Variants in JMJD1C observed in about 807,000 individuals in gnomAD.
JMJD1C encodes the protein jumonji domain containing 1C.
Under a neutral mutation model 245.3 loss-of-function variants are expected in JMJD1C, and 31 were observed. The ratio of observed to expected loss-of-function variants is 0.13; its 90% CI spans 0.09 to 0.17. The LOEUF (loss-of-function observed/expected upper bound fraction) is 0.17. JMJD1C is among the 10% of genes least tolerant of loss of function. The pLI is 1.00. For synonymous variants in JMJD1C, 1,057 were observed against 1,017.4 expected, an observed-to-expected ratio of 1.04 and a Z score of -0.74; for missense variants, 2,691 against 3,000.2, an observed-to-expected ratio of 0.90 and a Z score of 2.41.
At chr10:63,211,307 A>G (rs994668149) in intron 8 of JMJD1C, among the ~76,000 whole-genome samples, 4 of 152,008 alleles carry the variant, frequency 2.6e-5, no homozygotes, top group Admixed American at 2.0e-4. Flanking sequence ...TCTACTAAAA[A>G]TACAAAAAAT....
chr10:63,331,276 T>C (rs1942111503), intron 2 of JMJD1C, among the ~76,000 whole-genome samples: 1 of 152,198 alleles, frequency 6.6e-6, no homozygotes, highest in Admixed American at 6.5e-5. Context: ...TATAAAAATA[T>C]GTCCAATCCT....
intron 3 of JMJD1C, among the ~76,000 whole-genome samples, chr10:63,248,617 T>C (rs1367566661): frequency 6.6e-6 from 1 of 152,222 alleles, no homozygotes; most frequent in South Asian, 2.1e-4. Flanking sequence ...AAGGGGAACC[T>C]GTACGCTGTT....
At chr10:63,457,534 C>A (rs1398986723) in intron 1 of JMJD1C, among the ~76,000 whole-genome samples, 2 of 151,922 alleles carry the variant, frequency 1.3e-5, no homozygotes, top group East Asian at 1.9e-4. Context: ...ACAACAACAA[C>A]AAACAGTAAG....
At chr10:63,327,825 C>T (rs562540053) in intron 2 of JMJD1C, among the ~76,000 whole-genome samples, 7 of 152,120 alleles carry the variant, frequency 4.6e-5, no homozygotes, top group Non-Finnish European at 8.8e-5. Flanking sequence ...TGCACCACCA[C>T]GCCCAGCTAA....
chr10:63,203,927 T>C, intron 10 of JMJD1C: 3 of 977,946 alleles, frequency 3.1e-6, no homozygotes, highest in Non-Finnish European at 3.6e-6. Context: ...CATTATTTAA[T>C]CCATGAAGTA....
chr10:63,374,880 T>C (rs1290398628), intron 2 of JMJD1C, among the ~76,000 whole-genome samples: 2 of 150,944 alleles, frequency 1.3e-5, no homozygotes, highest in Non-Finnish European at 2.9e-5. Flanking sequence ...TACTTGCTAA[T>C]TTGCCAAATT....
intron 1 of JMJD1C, among the ~76,000 whole-genome samples, chr10:63,392,067 G>A (rs997697220): frequency 1.9e-4 from 29 of 152,176 alleles, no homozygotes; most frequent in African/African-American, 5.1e-4. Context: ...TGCAAACACC[G>A]TCTCACAGCC....
chr10:63,332,597 C>T (rs1334387907), intron 2 of JMJD1C, among the ~76,000 whole-genome samples: 2 of 152,156 alleles, frequency 1.3e-5, no homozygotes, highest in African/African-American at 4.8e-5. Flanking sequence ...GTTTAGGCCT[C>T]ATTTAACCTT....
chr10:63,369,853 T>C (rs185552481), intron 2 of JMJD1C, among the ~76,000 whole-genome samples: 1 of 152,266 alleles, frequency 6.6e-6, no homozygotes, highest in African/African-American at 2.4e-5. Flanking sequence ...AGGAGTGTTT[T>C]TGTTTGCCTG....
At chr10:63,413,802 T>C (rs1949629710) in intron 1 of JMJD1C, among the ~76,000 whole-genome samples, 1 of 152,146 alleles carries the variant, frequency 6.6e-6, no homozygotes, top group South Asian at 2.1e-4. Flanking sequence ...ATGTTTGTGG[T>C]AAAAATTAGA....
intron 2 of JMJD1C, among the ~76,000 whole-genome samples, chr10:63,278,837 T>C (rs1857091983): frequency 8.3e-6 from 1 of 119,860 alleles, no homozygotes; most frequent in Non-Finnish European, 1.6e-5. Context: ...AAAACTCCCA[T>C]CTCAAAAAAA....
At chr10:63,193,674 T>C (rs1192276344) in intron 14 of JMJD1C, 1 of 409,702 alleles carries the variant, frequency 2.4e-6, no homozygotes, top group Admixed American at 4.3e-5. Flanking sequence ...TTTGTTTTTT[T>C]GTTTTTTTTT....
At chr10:63,391,248 T>C (rs947066590) in intron 1 of JMJD1C, among the ~76,000 whole-genome samples, 1 of 152,138 alleles carries the variant, frequency 6.6e-6, no homozygotes, top group Non-Finnish European at 1.5e-5. Context: ...TGGTGGCTGA[T>C]GCCTGTAATC....
intron 2 of JMJD1C, among the ~76,000 whole-genome samples, chr10:63,301,167 C>T (rs1860027990): frequency 6.6e-6 from 1 of 152,126 alleles, no homozygotes; most frequent in African/African-American, 2.4e-5. Flanking sequence ...AGGCATGTAC[C>T]ATCACGCCTG....
At position 63,189,400 on chromosome 10, in the gene JMJD1C, A is replaced by C; in HGVS notation, c.6338T>G (p.Ile2113Ser). Reference protein sequence around the residue: ...RTMPNILDDIIASVVENKIPP... With the variant: ...RTMPNILDDISASVVENKIPP... ...AATTTTGTTTTCAACAACTGAAGCAATTATGTCATCAAGAATGTTAGGCAT... is the reference window on the plus strand; with the variant it reads ...AATTTTGTTTTCAACAACTGAAGCACTTATGTCATCAAGAATGTTAGGCAT... The change falls in exon 18 of 26, where the codon ATT becomes AGT. Residue 2113 changes from isoleucine (I) to serine (S), a missense_variant. By Grantham distance (142) the Ile-to-Ser change is moderately radical. This residue lies in a region of JMJD1C where 275 missense variants were observed against 285.5 expected (regional missense o/e 0.96). Transcript: ENST00000399262. 2 of 1,613,714 alleles carry C rather than the reference A, an allele frequency of 1.2e-6. No individual in the cohort carries two copies. Among genetic ancestry groups the C allele is most frequent in the Non-Finnish European group, 8.5e-7 (1 of 1,179,866 alleles).
At chr10:63,368,527 C>T (rs1431390678) in intron 2 of JMJD1C, among the ~76,000 whole-genome samples, 2 of 152,136 alleles carry the variant, frequency 1.3e-5, no homozygotes. Flanking sequence ...TAATATCCAG[C>T]ATCCAGGTAA....
At chr10:63,415,032 C>T (rs905515283) in intron 1 of JMJD1C, among the ~76,000 whole-genome samples, 15 of 151,590 alleles carry the variant, frequency 9.9e-5, no homozygotes, top group Non-Finnish European at 2.1e-4. Context: ...TGCATTTTTG[C>T]TTTATGTGCT....
At position 63,183,513 on chromosome 10, in the gene JMJD1C, A is replaced by C. The variant is rs1843732518; in HGVS notation, c.7018T>G (p.Ser2340Ala). The change falls in exon 22 of 26, where the codon TCT becomes GCT. Residue 2340 changes from serine (S) to alanine (A), a missense_variant. This residue lies in a region of JMJD1C where 232 missense variants were observed against 416.1 expected (regional missense o/e 0.56). Transcript: ENST00000399262. Reference protein sequence around the residue: ...IGTTNLHIEVSDVVNILVYVG... With the variant: ...IGTTNLHIEVADVVNILVYVG... ...TAAACTAGTATATTTACAACATCAG[A>C]AACTTCAATATGGAGATTTGTTGTT... 1.2e-6 allele frequency: 2 copies of C among 1,607,428 alleles called. No homozygotes were observed. Among genetic ancestry groups the C allele is most frequent in the South Asian group, 2.2e-5 (2 of 90,660 alleles).
intron 13 of JMJD1C, 64 bp downstream of exon 13, chr10:63,197,347 C>G: frequency 7.4e-7 from 1 of 1,352,806 alleles, no homozygotes; most frequent in Non-Finnish European, 1.0e-6. Flanking sequence ...ATCTCATGTT[C>G]TAGAAGAGTG....
Sources: gnomAD v4.1 joint callset for allele counts (sites outside exome capture counted in the v4.1 genomes callset) on GRCh38, gnomAD v4.1.1 for gene constraint, gnomAD v4.1.1 regional missense constraint, MANE v1.5 for transcripts, NCBI Gene and HGNC (gene_info 2026-07-23, HGNC 2026-07-21) for gene names.